The following AQP7B variants were observed in gnomAD, a reference collection of about 807,000 sequenced individuals.
AQP7B encodes the protein putative aquaporin-7B.
chr2:94,594,141 C>A, the AQP7B span, among the ~76,000 whole-genome samples: 1 of 152,240 alleles, frequency 6.6e-6, no homozygotes, highest in Admixed American at 6.5e-5. Context: ...CACTCTCTCA[C>A]AAACCTCTGT....
At chr2:94,588,275 C>T in the AQP7B span, among the ~76,000 whole-genome samples, 1 of 152,008 alleles carries the variant, frequency 6.6e-6, no homozygotes, top group East Asian at 1.9e-4. Context: ...GAGGGTCTGG[C>T]CTGGGGTTGG....
the AQP7B span, among the ~76,000 whole-genome samples, chr2:94,590,944 C>CAAAAA: frequency 1.2e-3 from 61 of 48,928 alleles, 2 homozygotes; most frequent in African/African-American, 4.1e-3. Context: ...GACCCTGTCT[C>CAAAAA]AAAAAAAAAA....
chr2:94,593,283 G>C, the AQP7B span, among the ~76,000 whole-genome samples: 2 of 151,764 alleles, frequency 1.3e-5, no homozygotes. Flanking sequence ...GGGTAAAGGA[G>C]CCTCTGGGGA....
the AQP7B span, chr2:94,603,911 G>T: frequency 1.5e-6 from 2 of 1,293,972 alleles, no homozygotes; most frequent in South Asian, 2.6e-5. Context: ...ATTGCTGGCT[G>T]GGGCAAACAG....
the AQP7B span, among the ~76,000 whole-genome samples, chr2:94,591,602 A>T: frequency 4.8e-4 from 72 of 150,824 alleles, no homozygotes; most frequent in Non-Finnish European, 9.0e-4. Context: ...TAGAGTTCAG[A>T]CTCCCTAATG....
At chr2:94,593,707 A>T in the AQP7B span, among the ~76,000 whole-genome samples, 1 of 151,790 alleles carries the variant, frequency 6.6e-6, no homozygotes, top group South Asian at 2.1e-4. Flanking sequence ...GCTGGTCTCG[A>T]ACTCCCAACC....
the AQP7B span, chr2:94,602,904 T>C: frequency 9.0e-7 from 1 of 1,111,752 alleles, no homozygotes. Flanking sequence ...CACGGGGTGG[T>C]TGTGAGGGCT....
the AQP7B span, among the ~76,000 whole-genome samples, chr2:94,594,010 C>T: frequency 6.6e-6 from 1 of 152,182 alleles, no homozygotes; most frequent in Admixed American, 6.5e-5. Flanking sequence ...ACTCATTCAA[C>T]AAATATTTAT....
the AQP7B span, chr2:94,604,220 C>T: frequency 7.5e-6 from 11 of 1,465,052 alleles, no homozygotes; most frequent in Middle Eastern, 2.6e-4. Context: ...CCAGTCTTCG[C>T]CCAAGGTGGA....
the AQP7B span, among the ~76,000 whole-genome samples, chr2:94,594,036 G>T: frequency 6.6e-6 from 1 of 152,260 alleles, no homozygotes; most frequent in Admixed American, 6.5e-5. Context: ...TCTACTATGT[G>T]CCTGGCATGG....
At chr2:94,597,590 G>A in the AQP7B span, among the ~76,000 whole-genome samples, 2 of 150,926 alleles carry the variant, frequency 1.3e-5, no homozygotes, top group Non-Finnish European at 2.9e-5. Context: ...ATCCAGTGCA[G>A]TCTAATATCA....
At chr2:94,592,576 A>G in the AQP7B span, among the ~76,000 whole-genome samples, 1 of 152,094 alleles carries the variant, frequency 6.6e-6, no homozygotes, top group Admixed American at 6.5e-5. Flanking sequence ...CAGCAGCCCA[A>G]AGACAGTCCT....
the AQP7B span, chr2:94,604,592 C>T: frequency 1.9e-5 from 30 of 1,539,900 alleles, 1 homozygote; most frequent in Middle Eastern, 4.9e-4. Context: ...TATTTGTGAT[C>T]CCATCCCTTC....
chr2:94,597,135 C>T, the AQP7B span, among the ~76,000 whole-genome samples: 1 of 152,170 alleles, frequency 6.6e-6, no homozygotes, highest in Non-Finnish European at 1.5e-5. Flanking sequence ...CTCTCTGCCT[C>T]TGGCCCTCCC....
At chr2:94,590,805 A>G in the AQP7B span, among the ~76,000 whole-genome samples, 1 of 151,748 alleles carries the variant, frequency 6.6e-6, no homozygotes, top group African/African-American at 2.4e-5. Context: ...ATAGCCGGTC[A>G]TGGTGGCATG....
the AQP7B span, among the ~76,000 whole-genome samples, chr2:94,595,931 G>T: frequency 6.6e-6 from 1 of 152,216 alleles, no homozygotes; most frequent in Non-Finnish European, 1.5e-5. Flanking sequence ...CACAGGTGGT[G>T]GTTGTCAACA....
the AQP7B span, among the ~76,000 whole-genome samples, chr2:94,590,517 G>T: frequency 6.6e-6 from 1 of 152,068 alleles, no homozygotes; most frequent in African/African-American, 2.4e-5. Flanking sequence ...AAGAAATGTT[G>T]GTTAGCAGGT....
At chr2:94,599,421 C>A in the AQP7B span, among the ~76,000 whole-genome samples, 2 of 152,162 alleles carry the variant, frequency 1.3e-5, no homozygotes, top group East Asian at 3.9e-4. Flanking sequence ...CTCAGACATC[C>A]CCAAAGCTGC....
At chr2:94,598,281 G>T in the AQP7B span, among the ~76,000 whole-genome samples, 1 of 152,200 alleles carries the variant, frequency 6.6e-6, no homozygotes, top group African/African-American at 2.4e-5. Context: ...AAAAAAGCTA[G>T]TGTGACCTTG....
Sources: allele counts gnomAD v4.1 joint callset (sites outside exome capture counted in the v4.1 genomes callset), GRCh38; gene constraint gnomAD v4.1.1; transcripts MANE v1.5; gene names NCBI Gene and HGNC (gene_info 2026-07-23, HGNC 2026-07-21).